Variants in BRF1 observed in about 807,000 individuals in gnomAD.
The protein encoded by BRF1 is transcription factor IIIB 90 kDa subunit.
A neutral mutation model predicts 81.7 loss-of-function variants in BRF1; 59 were observed. The observed-to-expected ratio is 0.72, with a 90% CI of 0.59 to 0.90. The LOEUF (loss-of-function observed/expected upper bound fraction) is 0.90, where lower values mean the gene tolerates loss of function less well. BRF1 is among the 40% of genes least tolerant of loss of function. The probability of loss-of-function intolerance (pLI) is 0.00; values close to 1 mark genes in which losing one functional copy is unlikely to be tolerated. For missense variants in BRF1, 1,050 were observed against 936.3 expected (o/e 1.12, Z -1.58); for synonymous variants, 491 against 395.6 (o/e 1.24, Z -2.86).
At position 105,266,155 on chromosome 14, in the gene BRF1, G is replaced by A. The variant is rs80081916; in HGVS notation, c.439+6566C>T. On this transcript the variant is annotated intron_variant, in intron 3 of 17. Transcript: ENST00000547530. The stretch of plus-strand genomic sequence containing the variant: ...TTTATAGCCTCGAGTGCTTATGTTA[G>A]AAAAAACAGGCCAGATACAATAGCT... 2.0e-5 allele frequency among the ~76,000 whole-genome samples: 3 copies of A among 152,162 alleles called. No individual in the cohort carries two copies. The East Asian group carries it at 5.8e-4, about 29-fold the overall frequency.
At chr14:105,275,895 G>A (rs953779357) in intron 2 of BRF1, among the ~76,000 whole-genome samples, 4 of 152,252 alleles carry the variant, frequency 2.6e-5, no homozygotes, top group African/African-American at 4.8e-5. Flanking sequence ...CTTCTACCAC[G>A]TGAGGCCACA....
Position 105,272,062 on chromosome 14 carries a change from G to A in BRF1, c.439+659C>T, listed in dbSNP as rs377767313. On this transcript the variant is annotated intron_variant, in intron 3 of 17. Transcript: ENST00000547530. The stretch of plus-strand genomic sequence containing the variant: ...ACCGCTGAGGGTCGGCGGCCTCCCC[G>A]CCCACCGCCTGCAGTCACGGTGTCC... 2.7e-4 allele frequency among the ~76,000 whole-genome samples: 16 copies of A among 58,478 alleles called. 1 individual carries two copies. The highest frequency in any genetic ancestry group is 4.9e-4 in the African/African-American group (7 of 14,254). 38.4% of individuals were successfully genotyped at this position (58,478 alleles called of 152,430 possible).
At chr14:105,275,474 C>T (rs745366591) in intron 2 of BRF1, among the ~76,000 whole-genome samples, 1 of 152,252 alleles carries the variant, frequency 6.6e-6, no homozygotes, top group Non-Finnish European at 1.5e-5. Context: ...ATGTGCAGCA[C>T]CAGCCAGACA....
intron 1 of BRF1, among the ~76,000 whole-genome samples, chr14:105,298,795 C>T (rs1164877052): frequency 6.6e-6 from 1 of 151,006 alleles, no homozygotes; most frequent in Non-Finnish European, 1.5e-5. Context: ...GCAGAGGTTG[C>T]AGTGAAACGA....
intron 5 of BRF1, chr14:105,247,061 T>G: frequency 1.0e-6 from 1 of 985,472 alleles, no homozygotes; most frequent in South Asian, 4.7e-5. Flanking sequence ...AAACTGCTTA[T>G]GCCCGTTACC....
In BRF1 at chr14:105,248,924, C is replaced by G. The variant is rs1322700228; in HGVS notation, c.544+3583G>C. 17 of 986,110 alleles carry G rather than the reference C, an allele frequency of 1.7e-5. No individual in the cohort carries two copies. In the Admixed American group the frequency reaches 1.1e-3, roughly 62 times the overall value. The allele number at this position is 986,110 out of a possible 1,614,324, so 61.1% of individuals were successfully genotyped here. ...GCGCCGCGGCCGCGGACCTAGCCAA[C>G]AGCAACGCCGGCGCCGCCGTGGGCA... On this transcript the variant is annotated intron_variant, in intron 5 of 17. Coordinates refer to ENST00000547530, the MANE Select transcript of BRF1 (RefSeq NM_001519.4).
At chr14:105,285,222 AAG>A (rs2057271394) in intron 2 of BRF1, among the ~76,000 whole-genome samples, 1 of 152,244 alleles carries the variant, frequency 6.6e-6, no homozygotes, top group Admixed American at 6.5e-5. Flanking sequence ...ACACTTTTGA[AAG>A]AGAGCAGTTA....
At chr14:105,283,884 A>G (rs2140463059) in intron 2 of BRF1, among the ~76,000 whole-genome samples, 1 of 152,338 alleles carries the variant, frequency 6.6e-6, no homozygotes, top group East Asian at 1.9e-4. Flanking sequence ...GCTGGGCCCC[A>G]ACCCAGGCAG....
At chr14:105,305,330 A>T (rs1309889514), upstream of BRF1, among the ~76,000 whole-genome samples, 2 of 151,898 alleles carry the variant, frequency 1.3e-5, no homozygotes, top group Non-Finnish European at 2.9e-5. Context: ...TGAGCCCAGA[A>T]AGTTGAGGCT....
chr14:105,287,819 G>A (rs2057370987), intron 1 of BRF1, among the ~76,000 whole-genome samples: 1 of 152,246 alleles, frequency 6.6e-6, no homozygotes, highest in Non-Finnish European at 1.5e-5. Context: ...AATTAGAGCA[G>A]CCAAGAAAAG....
chr14:105,217,369 G>A, intron 15 of BRF1, 175 bp downstream of exon 15: 11 of 1,010,052 alleles, frequency 1.1e-5, no homozygotes, highest in Middle Eastern at 3.0e-4. Flanking sequence ...GGAGAGTTGA[G>A]ACACTGTCAA....
At chr14:105,250,780 A>G (rs2055560915) in intron 5 of BRF1, 4 of 1,180,966 alleles carry the variant, frequency 3.4e-6, no homozygotes, top group East Asian at 2.5e-5. Flanking sequence ...TCTCTCTTTG[A>G]CATGTAGTCA....
At chr14:105,220,039 C>G in intron 12 of BRF1, 30 bp downstream of exon 12, 1 of 1,609,260 alleles carries the variant, frequency 6.2e-7, no homozygotes, top group Non-Finnish European at 8.5e-7. Flanking sequence ...CCAAGCCCAG[C>G]CCCTCTTGGG....
intron 5 of BRF1, chr14:105,248,956 C>CCGGGCCGCG (rs2055363566): frequency 1.0e-6 from 1 of 980,032 alleles, no homozygotes; most frequent in African/African-American, 1.8e-5. Flanking sequence ...GGCAGGAAGG[C>CCGGGCCGCG]CGGGCCGCGC....
intron 5 of BRF1, chr14:105,249,927 G>A (rs587595194): frequency 8.7e-6 from 14 of 1,611,386 alleles, no homozygotes; most frequent in Admixed American, 6.7e-5. Flanking sequence ...ATTGTCACTC[G>A]GGAGGCCCTC....
intron 1 of BRF1, among the ~76,000 whole-genome samples, chr14:105,289,117 C>A (rs2057422816): frequency 6.6e-6 from 1 of 151,200 alleles, no homozygotes; most frequent in Admixed American, 6.6e-5. Flanking sequence ...GAGGCTGAGG[C>A]AGGAAGACTG....
rs2058521913 is a variant in BRF1 at position 105,315,193 on chromosome 14, C to T, written c.-162+129G>A. ...GCCGGTTCGACGCGTGCAGCCGCCG[C>T]CCCCCCGCAGCTCCGGCAAGCGCGG... On this transcript the variant is annotated intron_variant, in intron 1 of 17. Coordinates refer to the BRF1 transcript ENST00000327359. The surrounding 1 kb of genome is among the most constrained non-coding windows in gnomAD (Gnocchi z 4.4). The T allele has an allele frequency of 7.0e-6, 2 of 284,394 alleles. No individual in the cohort carries two copies. Among genetic ancestry groups the T allele is most frequent in the Non-Finnish European group, 1.1e-5 (2 of 183,338 alleles). 17.6% of individuals were successfully genotyped at this position (284,394 alleles called of 1,614,324 possible).
intron 5 of BRF1, chr14:105,250,788 T>C: frequency 8.9e-7 from 1 of 1,120,462 alleles, no homozygotes; most frequent in Non-Finnish European, 1.3e-6. Context: ...TGACATGTAG[T>C]CAGCTGAAGC....
chr14:105,229,585 G>A (rs993935848), intron 6 of BRF1, among the ~76,000 whole-genome samples: 2 of 152,228 alleles, frequency 1.3e-5, no homozygotes, highest in Admixed American at 6.5e-5. Context: ...GAGTCTGAGT[G>A]ACAGCTGCGA....
Sources: gnomAD v4.1 joint callset for allele counts (sites outside exome capture counted in the v4.1 genomes callset) on GRCh38, gnomAD v4.1.1 for gene constraint, Gnocchi (gnomAD v3.1) non-coding constraint, MANE v1.5 for transcripts, NCBI Gene and HGNC (gene_info 2026-07-23, HGNC 2026-07-21) for gene names.